The following JRK variants were observed in gnomAD, a reference collection of about 807,000 sequenced individuals.
The protein encoded by JRK is jerky protein homolog.
For missense variants in JRK, 720 were observed against 509.2 expected, an observed-to-expected ratio of 1.41 and a Z score of -3.98; for synonymous variants, 303 against 218.1, an observed-to-expected ratio of 1.39 and a Z score of -3.43.
chr8:142,661,864 CGGA>C lies in JRK; in HGVS notation c.*2485_*2487del. The C allele has an allele frequency of 1.0e-6, 1 of 985,498 alleles. No homozygotes were observed. The highest frequency in any genetic ancestry group is 1.2e-6 in the Non-Finnish European group (1 of 829,990). 61.0% of individuals were successfully genotyped at this position (985,498 alleles called of 1,614,324 possible). On this transcript the variant is annotated 3_prime_UTR_variant, in exon 2 of 2. Transcript: ENST00000612905. ...GGTCAGGAAGTGAAAACAAAGTGCT[CGGA>C]GGACACGGCAGTCTCCATAAAGCGT...
At chr8:142,649,057 T>G in the JRK span, among the ~76,000 whole-genome samples, 2 of 152,352 alleles carry the variant, frequency 1.3e-5, no homozygotes, top group Admixed American at 1.3e-4. Context: ...TTTCTCCCAT[T>G]TGAAATGGCT....
rs1284750295 is a variant in JRK at position 142,666,363 on chromosome 8, C to G, written c.-305G>C. ...GGTGACCCTGTCAGACTCCCCTCTG[C>G]TGCTCCACACGGCTGGAACTCCGGC... On this transcript the variant is annotated 5_prime_UTR_variant, in exon 2 of 2. Transcript: ENST00000612905. The G allele has an allele frequency of 2.0e-6, 1 of 498,012 alleles. No homozygotes were observed. The highest frequency in any genetic ancestry group is 2.0e-5 in the African/African-American group (1 of 51,162). 30.8% of individuals were successfully genotyped at this position (498,012 alleles called of 1,614,324 possible).
At position 142,664,779 on chromosome 8, in the gene JRK, G is replaced by A. The variant is rs1554635332; in HGVS notation, c.1280C>T (p.Ser427Phe). 1.3e-6 allele frequency: 2 copies of A among 1,590,114 alleles called. No homozygotes were observed. Among genetic ancestry groups the A allele is most frequent in the African/African-American group, 1.3e-5 (1 of 74,540 alleles). The change falls in exon 2 of 2, where the codon TCC becomes TTC. Residue 427 changes from serine to phenylalanine, a missense_variant. Transcript: ENST00000612905. ...GCGCTGGCGAAGCTGGCCCGGGCAG[G>A]AGGAGCCTTCCTTCACAAGCTCCAG... Reference protein sequence around the residue: ...HILELVKEGSSCPGQLRQRQA... With the variant: ...HILELVKEGSFCPGQLRQRQA...
Position 142,659,398 on chromosome 8 carries a change from G to A in JRK, c.*4954C>T. The A allele has an allele frequency of 1.0e-6, 1 of 987,798 alleles. No individual in the cohort carries two copies. The highest frequency in any genetic ancestry group is 1.2e-6 in the Non-Finnish European group (1 of 831,394). The allele number at this position is 987,798 out of a possible 1,614,324, so 61.2% of individuals were successfully genotyped here. The stretch of plus-strand genomic sequence containing the variant: ...GAGGCCCAACGATCCTCGCCTGTGT[G>A]GGACGGGGCTACCTGCAGACATAGA... On this transcript the variant is annotated 3_prime_UTR_variant, in exon 2 of 2. Transcript: ENST00000612905.
At chr8:142,655,756 GCCT>G (rs1357658369), downstream of JRK, among the ~76,000 whole-genome samples, 2 of 152,350 alleles carry the variant, frequency 1.3e-5, no homozygotes, top group East Asian at 3.9e-4. Context: ...AGCGCGTTCT[GCCT>G]CCTGTCTTCT....
At chr8:142,668,600 G>A (rs1847206135) in intron 1 of JRK, among the ~76,000 whole-genome samples, 1 of 151,774 alleles carries the variant, frequency 6.6e-6, no homozygotes, top group African/African-American at 2.4e-5. Context: ...ACTGGGGACT[G>A]GGATGCAGAG....
the JRK span, among the ~76,000 whole-genome samples, chr8:142,651,055 G>C: frequency 6.6e-6 from 1 of 152,032 alleles, no homozygotes; most frequent in African/African-American, 2.4e-5. Flanking sequence ...CCCCCGTGCA[G>C]CAGAGGGTGC....
At chr8:142,645,507 G>A in the JRK span, among the ~76,000 whole-genome samples, 4 of 151,858 alleles carry the variant, frequency 2.6e-5, no homozygotes, top group Non-Finnish European at 2.9e-5. Context: ...GTGAAACCCC[G>A]TCTCTACTAA....
rs1587527012 is a variant in JRK at position 142,665,070 on chromosome 8, G to A, written c.989C>T (p.Pro330Leu). 2.8e-6 allele frequency: 2 copies of A among 717,772 alleles called. No homozygotes were observed. The highest frequency in any genetic ancestry group is 5.2e-6 in the Non-Finnish European group (2 of 385,050). The allele number at this position is 717,772 out of a possible 1,614,324, so 44.5% of individuals were successfully genotyped here. A position where few individuals can be genotyped will look rare whatever the true frequency, so the allele number is the denominator to read the frequency against. ...LPASVASLVQ[P>L]MEQGIRRDFM... ...ATCTCTCCGAATGCCCTGCTCCATG[G>A]GCTGCACCAATGAGGCCACGCTGGC... The change falls in exon 2 of 2, where the codon CCC (proline) becomes CTC (leucine). Residue 330 changes from proline to leucine, a missense_variant. By Grantham distance (98) the Pro-to-Leu change is moderately conservative (BLOSUM62 -3). Transcript: ENST00000612905.
Position 142,660,852 on chromosome 8 carries a change from C to A in JRK, c.*3500G>T. 9 of 985,672 alleles carry A rather than the reference C, an allele frequency of 9.1e-6. No individual in the cohort carries two copies. The highest frequency in any genetic ancestry group is 1.1e-5 in the Non-Finnish European group (9 of 830,128). 61.1% of individuals were successfully genotyped at this position (985,672 alleles called of 1,614,324 possible). A position where few individuals can be genotyped will look rare whatever the true frequency, so the allele number is the denominator to read the frequency against. On this transcript the variant is annotated 3_prime_UTR_variant, in exon 2 of 2. Coordinates refer to ENST00000612905, the MANE Select transcript of JRK (RefSeq NM_003724.4). ...ACCTTCTGCAAACCCCTGCCTCAAA[C>A]CGTGTCCCTCCACAAGCACATCCAG...
At chr8:142,649,790 T>A in the JRK span, among the ~76,000 whole-genome samples, 4 of 152,218 alleles carry the variant, frequency 2.6e-5, no homozygotes, top group Admixed American at 6.5e-5. Context: ...GCTAGCACAG[T>A]GTGGAACGAA....
chr8:142,662,134 G>C lies in JRK; in HGVS notation c.*2218C>G. 1.0e-6 allele frequency: 1 copy of C among 985,992 alleles called. No homozygotes were observed. Among genetic ancestry groups the C allele is most frequent in the Non-Finnish European group, 1.2e-6 (1 of 830,378 alleles). The allele number at this position is 985,992 out of a possible 1,614,324, so 61.1% of individuals were successfully genotyped here. On this transcript the variant is annotated 3_prime_UTR_variant, in exon 2 of 2. Transcript: ENST00000612905. ...TTGGTCTGGAAGAGGGGCACCCTGAGGACACAGCCACTCACTGGGGACAAG... is the reference window on the plus strand; with the variant it reads ...TTGGTCTGGAAGAGGGGCACCCTGACGACACAGCCACTCACTGGGGACAAG...
At position 142,664,307 on chromosome 8, in the gene JRK, G is replaced by A. The variant is rs1378786812; in HGVS notation, c.*45C>T. On this transcript the variant is annotated 3_prime_UTR_variant, in exon 2 of 2. Transcript: ENST00000612905. ...GCACAGGACCATGCCACTCCAGGGT[G>A]TGGGGAGAAACAGGGCCAGTGGCCA... is the stretch of plus-strand genomic sequence containing the variant. 3.3e-6 allele frequency: 5 copies of A among 1,513,942 alleles called. No homozygotes were observed. The highest frequency in any genetic ancestry group is 4.6e-5 in the East Asian group (2 of 43,434). 93.8% of individuals were successfully genotyped at this position (1,513,942 alleles called of 1,614,324 possible). A position where few individuals can be genotyped will look rare whatever the true frequency, so the allele number is the denominator to read the frequency against.
chr8:142,660,047 G>A lies in JRK; in HGVS notation c.*4305C>T, dbSNP rs1043235197. 1 of 985,990 alleles carries A rather than the reference G, an allele frequency of 1.0e-6. No homozygotes were observed. Among genetic ancestry groups the A allele is most frequent in the South Asian group, 4.7e-5 (1 of 21,296 alleles). 61.1% of individuals were successfully genotyped at this position (985,990 alleles called of 1,614,324 possible). ...GCTGGGGCTCATGTGGGAGGCTGGT[G>A]GCTGCCATGGCTGCAGCTCCTGGCC... On this transcript the variant is annotated 3_prime_UTR_variant, in exon 2 of 2. Coordinates refer to ENST00000612905, the MANE Select transcript of JRK (RefSeq NM_003724.4).
At chr8:142,669,385 G>C (rs987772636) in intron 1 of JRK, among the ~76,000 whole-genome samples, 5 of 152,148 alleles carry the variant, frequency 3.3e-5, no homozygotes, top group Admixed American at 3.3e-4. Context: ...GCCGAGTTCC[G>C]CTAGGAGCCC....
At chr8:142,650,907 C>G in the JRK span, among the ~76,000 whole-genome samples, 5 of 152,304 alleles carry the variant, frequency 3.3e-5, no homozygotes, top group African/African-American at 1.2e-4. Context: ...ACAAACTTGT[C>G]TGTTTAAATT....
chr8:142,665,866 A>C lies in JRK; in HGVS notation c.193T>G (p.Phe65Val). ...IRAHKAQLLR[F>V]FASSDSNKAL... The stretch of plus-strand genomic sequence containing the variant: ...TTGTTGGAGTCGGAGCTGGCGAAGA[A>C]CCGGAGCAGCTGCGCCTTGTGGGCC... The change falls in exon 2 of 2, where the codon TTC becomes GTC. Residue 65 changes from phenylalanine (F) to valine (V), a missense_variant. By Grantham distance (50) the Phe-to-Val change is conservative. Transcript: ENST00000612905. 1 of 781,448 alleles carries C rather than the reference A, an allele frequency of 1.3e-6. No individual in the cohort carries two copies. Among genetic ancestry groups the C allele is most frequent in the Non-Finnish European group, 2.4e-6 (1 of 419,552 alleles). 48.4% of individuals were successfully genotyped at this position (781,448 alleles called of 1,614,324 possible).
At chr8:142,645,635 G>A in the JRK span, among the ~76,000 whole-genome samples, 2 of 151,812 alleles carry the variant, frequency 1.3e-5, no homozygotes, top group East Asian at 1.9e-4. Context: ...AGCCAAGATC[G>A]CGCCACTGCA....
At position 142,661,804 on chromosome 8, in the gene JRK, G is replaced by A. The variant is rs1846924269; in HGVS notation, c.*2548C>T. On this transcript the variant is annotated 3_prime_UTR_variant, in exon 2 of 2. Coordinates refer to ENST00000612905, the MANE Select transcript of JRK (RefSeq NM_003724.4). ...GAGGGCTTGGGGAAAAAGATTCTGA[G>A]GCTAAAACATTCAACCACTTGAGCT... 1 of 985,458 alleles carries A rather than the reference G, an allele frequency of 1.0e-6. No homozygotes were observed. The highest frequency in any genetic ancestry group is 1.7e-5 in the African/African-American group (1 of 57,230). 61.0% of individuals were successfully genotyped at this position (985,458 alleles called of 1,614,324 possible). A position where few individuals can be genotyped will look rare whatever the true frequency, so the allele number is the denominator to read the frequency against.
Sources: allele counts gnomAD v4.1 joint callset (sites outside exome capture counted in the v4.1 genomes callset), GRCh38; gene constraint gnomAD v4.1.1; transcripts MANE v1.5; gene names NCBI Gene and HGNC (gene_info 2026-07-23, HGNC 2026-07-21).